ARHGAP29: variants seen among roughly 807,000 people sequenced by gnomAD.
ARHGAP29 encodes rho GTPase-activating protein 29.
ARHGAP29 carries 43 observed loss-of-function variants against 122.6 expected under a neutral mutation model. That is an observed-to-expected ratio of 0.35 (90% CI 0.27 to 0.45). The LOEUF is 0.45. Ranked by LOEUF, ARHGAP29 falls within the 20% of genes least tolerant of loss-of-function variation. The pLI, the probability that ARHGAP29 is intolerant of heterozygous loss-of-function variation, is 1.00. For missense variants in ARHGAP29, 1,303 were observed against 1,477.2 expected (o/e 0.88, Z 1.93); for synonymous variants, 506 against 497.1 (o/e 1.02, Z -0.24).
intron 12 of ARHGAP29, among the ~76,000 whole-genome samples, chr1:94,196,217 C>T (rs1342756099): frequency 7.1e-6 from 1 of 140,778 alleles, no homozygotes; most frequent in Admixed American, 7.1e-5. Flanking sequence ...CTGATCTTTT[C>T]AAAGAAACAG....
At chr1:94,304,088 G>A in the ARHGAP29 span, among the ~76,000 whole-genome samples, 3 of 152,048 alleles carry the variant, frequency 2.0e-5, no homozygotes, top group African/African-American at 4.8e-5. Context: ...TTCTATGCTC[G>A]TAGCATATGC....
At chr1:94,309,876 G>A in the ARHGAP29 span, among the ~76,000 whole-genome samples, 1 of 152,056 alleles carries the variant, frequency 6.6e-6, no homozygotes, top group African/African-American at 2.4e-5. Context: ...TGTTCTTTGG[G>A]TCCTATGCTG....
rs372584753 is a variant in ARHGAP29 at position 94,265,097 on chromosome 1, T to G, written c.-33+9915A>C. Among the ~76,000 whole-genome samples, 21 of 152,352 alleles carry G rather than the reference T, an allele frequency of 1.4e-4. 1 individual carries two copies. The South Asian group carries it at 2.7e-3, about 20-fold the overall frequency. On this transcript the variant is annotated intron_variant and NMD_transcript_variant, in intron 1 of 25. Transcript: ENST00000552844. Reference sequence around the variant, plus strand: ...CCATGGCAGTTTGCCAGCTGCATCTTAACGAACTCTATTCCACTCCCCAGA... The same window carrying G: ...CCATGGCAGTTTGCCAGCTGCATCTGAACGAACTCTATTCCACTCCCCAGA...
upstream of ARHGAP29, among the ~76,000 whole-genome samples, chr1:94,278,907 T>C (rs903621515): frequency 1.3e-5 from 2 of 152,210 alleles, no homozygotes; most frequent in Non-Finnish European, 2.9e-5. Flanking sequence ...ATAACTCCTG[T>C]TCCTCCTTTG....
the ARHGAP29 span, among the ~76,000 whole-genome samples, chr1:94,313,166 C>T: frequency 6.6e-6 from 1 of 152,090 alleles, no homozygotes; most frequent in Admixed American, 6.6e-5. Context: ...TTTGGAAAAT[C>T]TCCTTCCTTT....
intron 1 of ARHGAP29, among the ~76,000 whole-genome samples, chr1:94,245,578 T>A (rs544807487): frequency 1.3e-5 from 2 of 152,170 alleles, no homozygotes; most frequent in South Asian, 4.1e-4. Context: ...AGTGGTGGTG[T>A]AGGTGTGGGG....
Position 94,174,084 on chromosome 1 carries a change from G to A in ARHGAP29, c.3571C>T (p.Pro1191Ser). ...TGGGGATCGTGATCTGTGCCAGGAGGCACTGCTGCTGAGGGTGAAGCTGGC... is the reference window on the plus strand; with the variant it reads ...TGGGGATCGTGATCTGTGCCAGGAGACACTGCTGCTGAGGGTGAAGCTGGC... ...EKPASPSAAVPPGTDHDPHGL... is the reference protein window; with the variant it reads ...EKPASPSAAVSPGTDHDPHGL... The change falls in exon 23 of 23, where the codon CCT (proline) becomes TCT (serine). Residue 1191 changes from proline to serine, a missense_variant. Coordinates refer to ENST00000260526, the MANE Select transcript of ARHGAP29 (RefSeq NM_004815.4). 1 of 1,614,208 alleles carries A rather than the reference G, an allele frequency of 6.2e-7. No individual in the cohort carries two copies. The highest frequency in any genetic ancestry group is 8.5e-7 in the Non-Finnish European group (1 of 1,180,036).
chr1:94,275,531 T>C (rs114945247), upstream of ARHGAP29, among the ~76,000 whole-genome samples: 1,016 of 152,260 alleles, frequency 6.7e-3, 6 homozygotes, highest in African/African-American at 0.023. Flanking sequence ...AGGCATGCTT[T>C]ACACAGTAAA....
the ARHGAP29 span, among the ~76,000 whole-genome samples, chr1:94,289,872 T>C: frequency 6.6e-6 from 1 of 152,240 alleles, no homozygotes; most frequent in Non-Finnish European, 1.5e-5. Context: ...AGCTTTTTGA[T>C]GTCCTGCTGG....
chr1:94,190,327 A>G, intron 12 of ARHGAP29: 1 of 357,080 alleles, frequency 2.8e-6, no homozygotes, highest in Non-Finnish European at 5.0e-6. Flanking sequence ...TGAAAAGTTC[A>G]AAAGTGACTT....
chr1:94,226,401 T>C (rs372868916), intron 2 of ARHGAP29, among the ~76,000 whole-genome samples: 6 of 152,004 alleles, frequency 3.9e-5, no homozygotes, highest in African/African-American at 1.4e-4. Context: ...CTCCTTTTAA[T>C]AGACACAGAA....
chr1:94,262,401 A>T (rs2100717056), intron 1 of ARHGAP29, among the ~76,000 whole-genome samples: 1 of 152,332 alleles, frequency 6.6e-6, no homozygotes, highest in East Asian at 1.9e-4. Flanking sequence ...GCAAAACTTG[A>T]CAAATGGAAA....
intron 3 of ARHGAP29, among the ~76,000 whole-genome samples, chr1:94,210,214 A>G (rs1000146878): frequency 6.6e-5 from 10 of 152,176 alleles, no homozygotes; most frequent in African/African-American, 2.4e-4. Flanking sequence ...ACCCCTCCCT[A>G]ATATTCTCAC....
chr1:94,214,360 C>G (rs1651831339), intron 3 of ARHGAP29, among the ~76,000 whole-genome samples: 1 of 152,152 alleles, frequency 6.6e-6, no homozygotes, highest in South Asian at 2.1e-4. Context: ...ATACACTATC[C>G]CTACAGAATC....
chr1:94,190,985 C>A (rs571605666), intron 12 of ARHGAP29: 1 of 152,112 alleles, frequency 6.6e-6, no homozygotes, highest in African/African-American at 2.4e-5. Flanking sequence ...GAACTGCGAG[C>A]CGATGTAAGA....
the ARHGAP29 span, among the ~76,000 whole-genome samples, chr1:94,301,484 C>T: frequency 7.2e-5 from 11 of 152,268 alleles, no homozygotes; most frequent in Admixed American, 6.5e-4. Context: ...CTCATAGCAC[C>T]AGGAAGGACT....
At chr1:94,218,589 C>A (rs1003247870) in intron 3 of ARHGAP29, among the ~76,000 whole-genome samples, 2 of 152,164 alleles carry the variant, frequency 1.3e-5, no homozygotes, top group Admixed American at 1.3e-4. Flanking sequence ...TATCTATAGA[C>A]ACAAATTTCC....
chr1:94,306,150 TG>T, the ARHGAP29 span, among the ~76,000 whole-genome samples: 1 of 152,346 alleles, frequency 6.6e-6, no homozygotes, highest in African/African-American at 2.4e-5. Flanking sequence ...AGTCGGGCCC[TG>T]GGTATCATTG....
chr1:94,249,681 G>A (rs1430412398), intron 1 of ARHGAP29, among the ~76,000 whole-genome samples: 1 of 152,012 alleles, frequency 6.6e-6, no homozygotes, highest in Non-Finnish European at 1.5e-5. Context: ...AACCCAGGAG[G>A]CAGAGGTTGT....
Sources: allele counts gnomAD v4.1 joint callset (sites outside exome capture counted in the v4.1 genomes callset), GRCh38; gene constraint gnomAD v4.1.1; transcripts MANE v1.5; gene names NCBI Gene and HGNC (gene_info 2026-07-23, HGNC 2026-07-21).